PAPPA2: variants seen among roughly 807,000 people sequenced by gnomAD.
PAPPA2 encodes pappalysin-2.
Under a neutral mutation model 176.4 loss-of-function variants are expected in PAPPA2, and 86 were observed. That is an observed-to-expected ratio of 0.49 (90% CI 0.41 to 0.58). The LOEUF is 0.58. PAPPA2 is among the 20% of genes least tolerant of loss of function. PAPPA2 has a pLI of 0.00. For synonymous variants in PAPPA2, 809 were observed against 852.2 expected (o/e 0.95, Z 0.88); for missense variants, 2,073 against 2,256.9 (o/e 0.92, Z 1.65).
chr1:176,601,217 A>G (rs913696183), intron 3 of PAPPA2, among the ~76,000 whole-genome samples: 7 of 152,148 alleles, frequency 4.6e-5, no homozygotes, highest in Non-Finnish European at 1.0e-4. Context: ...CTGCAATGTG[A>G]TGATGAAGCA....
chr1:176,594,450 C>A (rs1336704456), intron 2 of PAPPA2, 74 bp from the exon 3 acceptor site: 2 of 1,265,096 alleles, frequency 1.6e-6, no homozygotes, highest in South Asian at 1.5e-5. Context: ...TTTACATGGG[C>A]TTTCTTCTCC....
At chr1:176,530,742 T>C (rs1454596788) in intron 1 of PAPPA2, among the ~76,000 whole-genome samples, 2 of 152,184 alleles carry the variant, frequency 1.3e-5, no homozygotes, top group African/African-American at 4.8e-5. Flanking sequence ...ATCTTCACTT[T>C]TCAATTGATA....
chr1:176,652,313 G>T (rs552155280), intron 3 of PAPPA2, among the ~76,000 whole-genome samples: 1 of 151,732 alleles, frequency 6.6e-6, no homozygotes, highest in Admixed American at 6.6e-5. Context: ...GGATATGTTT[G>T]CTTAGAGATT....
intron 1 of PAPPA2, among the ~76,000 whole-genome samples, chr1:176,478,127 A>G (rs1652225263): frequency 6.6e-6 from 1 of 152,260 alleles, no homozygotes; most frequent in Non-Finnish European, 1.5e-5. Context: ...TATTAAAAAG[A>G]CTGCAGAATA....
intron 3 of PAPPA2, among the ~76,000 whole-genome samples, chr1:176,636,593 T>C (rs1021490071): frequency 1.3e-5 from 2 of 152,102 alleles, no homozygotes; most frequent in African/African-American, 4.8e-5. Context: ...TTTTTTCCCA[T>C]CACAAAAATT....
chr1:176,522,914 G>T (rs763878524), intron 1 of PAPPA2, among the ~76,000 whole-genome samples: 5 of 152,152 alleles, frequency 3.3e-5, no homozygotes, highest in Admixed American at 6.5e-5. Flanking sequence ...GCAAACGAGG[G>T]GCATGGGTGG....
chr1:176,788,565 A>G (rs970249568), intron 17 of PAPPA2, among the ~76,000 whole-genome samples: 6 of 152,210 alleles, frequency 3.9e-5, no homozygotes, highest in African/African-American at 1.4e-4. Flanking sequence ...TTAGAAGTGG[A>G]TATGTTAAAA....
chr1:176,692,912 T>C (rs920514838), intron 6 of PAPPA2, among the ~76,000 whole-genome samples: 1 of 152,114 alleles, frequency 6.6e-6, no homozygotes, highest in African/African-American at 2.4e-5. Context: ...GGAGGCAGGA[T>C]GATTTTTTGT....
At position 176,594,998 on chromosome 1, in the gene PAPPA2, C is replaced by T; in HGVS notation, c.1394C>T (p.Thr465Ile). 2 of 1,614,206 alleles carry T rather than the reference C, an allele frequency of 1.2e-6. No homozygotes were observed. Among genetic ancestry groups the T allele is most frequent in the Non-Finnish European group, 1.7e-6 (2 of 1,180,044 alleles). Reference protein sequence around the residue: ...VLTASFEPVNTEWVPFRDEKY... With the variant: ...VLTASFEPVNIEWVPFRDEKY... ...ACAGCGAGCTTTGAGCCTGTGAACA[C>T]AGAGTGGGTTCCCTTTAGAGATGAG... is the stretch of plus-strand genomic sequence containing the variant. The change falls in exon 3 of 23, where the codon ACA becomes ATA. Residue 465 changes from threonine to isoleucine, a missense_variant. Thr to Ile is a moderately conservative substitution (Grantham distance 89). Transcript: ENST00000367662.
intron 1 of PAPPA2, among the ~76,000 whole-genome samples, chr1:176,540,524 T>C (rs2102565255): frequency 6.6e-6 from 1 of 152,330 alleles, no homozygotes; most frequent in Admixed American, 6.5e-5. Context: ...TGTGAGGCAA[T>C]CCAGAGCGGT....
chr1:176,557,053 G>A lies in PAPPA2; in HGVS notation c.731G>A (p.Gly244Glu), dbSNP rs1253968497. Residue 244 changes from glycine to glutamate, a missense_variant, in exon 2 of 23, where the codon GGA becomes GAA. Around this residue, in one of 4 missense-constraint regions of PAPPA2, gnomAD observed 1,196 missense variants for 1,330.4 expected, o/e 0.90. Coordinates refer to ENST00000367662, the MANE Select transcript of PAPPA2 (RefSeq NM_020318.3). Reference sequence around the variant, plus strand: ...CCGGAGGAAAGCAACCAAAATGGTGGAGAGGGCTCCTACCGAGAAGCAGAG... The same window carrying A: ...CCGGAGGAAAGCAACCAAAATGGTGAAGAGGGCTCCTACCGAGAAGCAGAG... ...SPPEESNQNG[G>E]EGSYREAETF... 6.2e-7 allele frequency: 1 copy of A among 1,614,044 alleles called. No individual in the cohort carries two copies. The highest frequency in any genetic ancestry group is 8.5e-7 in the Non-Finnish European group (1 of 1,179,996).
At chr1:176,724,573 C>A (rs1661775535) in intron 12 of PAPPA2, among the ~76,000 whole-genome samples, 1 of 152,208 alleles carries the variant, frequency 6.6e-6, no homozygotes, top group African/African-American at 2.4e-5. Context: ...CCACCACATG[C>A]TCACAGTGTC....
At chr1:176,752,356 A>C (rs970128841) in intron 14 of PAPPA2, among the ~76,000 whole-genome samples, 5 of 151,792 alleles carry the variant, frequency 3.3e-5, no homozygotes, top group Non-Finnish European at 5.9e-5. Context: ...AAAAAAAAAA[A>C]AAAAAAAAAC....
intron 12 of PAPPA2, among the ~76,000 whole-genome samples, chr1:176,735,443 G>A (rs532379403): frequency 2.6e-5 from 4 of 152,182 alleles, no homozygotes; most frequent in South Asian, 2.1e-4. Context: ...TCCAGTGAGC[G>A]CCACAAAGGA....
In PAPPA2 at chr1:176,547,130, C is replaced by T. The variant is rs867179507; in HGVS notation, c.-916-8277C>T. 5.3e-5 allele frequency among the ~76,000 whole-genome samples: 8 copies of T among 152,278 alleles called. No individual in the cohort carries two copies. The South Asian group carries it at 1.7e-3, about 32-fold the overall frequency. On this transcript the variant is annotated intron_variant, in intron 1 of 22. Transcript: ENST00000367662. ...GTTGCCATGTAATATTTCATGAATC[C>T]TTTGGATAATCTGTGTGATAGATGT...
At chr1:176,609,832 G>A (rs765351619) in intron 3 of PAPPA2, among the ~76,000 whole-genome samples, 1 of 152,190 alleles carries the variant, frequency 6.6e-6, no homozygotes, top group Non-Finnish European at 1.5e-5. Flanking sequence ...AATGCTTGTT[G>A]AAAGTGCCTT....
At chr1:176,619,029 A>G (rs1054633712) in intron 3 of PAPPA2, among the ~76,000 whole-genome samples, 4 of 152,182 alleles carry the variant, frequency 2.6e-5, no homozygotes, top group Non-Finnish European at 4.4e-5. Flanking sequence ...GACACCACTG[A>G]GAGTCGAAGG....
chr1:176,758,915 T>G lies in PAPPA2; in HGVS notation c.4152-6751T>G, dbSNP rs1280632190. Among the ~76,000 whole-genome samples the G allele has an allele frequency of 6.6e-5, 10 of 152,176 alleles. No homozygotes were observed. In the East Asian group the frequency reaches 1.9e-3, roughly 29 times the overall value. ...TGTTAAAGCTGGAAGGGCCCTTTGA[T>G]AGAAGTCAGTTCAACCCCATCATTT... On this transcript the variant is annotated intron_variant, in intron 14 of 22. Coordinates refer to ENST00000367662, the MANE Select transcript of PAPPA2 (RefSeq NM_020318.3).
At chr1:176,809,951 AGTGTGTGTGTGTGTGTGTGTGTGT>A (rs55858181) in intron 21 of PAPPA2, among the ~76,000 whole-genome samples, 3 of 133,704 alleles carry the variant, frequency 2.2e-5, no homozygotes, top group African/African-American at 5.8e-5. Context: ...GACAAGATGC[AGTGTGTGTGTGTGTGTGTGTGTGT>A]GTGTGTGTGT....
Sources: allele counts gnomAD v4.1 joint callset (sites outside exome capture counted in the v4.1 genomes callset), GRCh38; gene constraint gnomAD v4.1.1; regional missense constraint gnomAD v4.1.1; transcripts MANE v1.5; gene names NCBI Gene and HGNC (gene_info 2026-07-23, HGNC 2026-07-21).